The following HIPK2 variants were observed in gnomAD, a reference collection of about 807,000 sequenced individuals.
HIPK2 encodes the protein homeodomain-interacting protein kinase 2.
A neutral mutation model predicts 113.7 loss-of-function variants in HIPK2; 27 were observed. The observed-to-expected ratio is 0.24, with a 90% CI of 0.17 to 0.33. The LOEUF (loss-of-function observed/expected upper bound fraction) is 0.33. Among genes scored for constraint, HIPK2 ranks in the 10% least tolerant of loss-of-function variants. The pLI, the probability that HIPK2 is intolerant of heterozygous loss-of-function variation, is 1.00. For missense variants in HIPK2, 1,257 were observed against 1,588.0 expected (o/e 0.79, Z 3.54); for synonymous variants, 631 against 642.2 (o/e 0.98, Z 0.26).
rs1278706738 is a variant in HIPK2 at position 139,716,964 on chromosome 7, G to C, written c.71C>G (p.Ala24Gly). ...TTTCAGTTTCTTCACACTACAGAAG[G>C]CACTTGATTGAAGGGTGTGAGGGGA... ...VFSPHTLQSS[A>G]FCSVKKLKIE... The change falls in exon 2 of 15, where the codon GCC (alanine) becomes GGC (glycine). Residue 24 changes from alanine (A) to glycine (G), a missense_variant. By Grantham distance (60) the Ala-to-Gly change is moderately conservative. Coordinates refer to ENST00000406875, the MANE Select transcript of HIPK2 (RefSeq NM_022740.5). This position sits in a 1 kb window ranked among gnomAD's most constrained non-coding sequence, Gnocchi z 9.3. 6.2e-7 allele frequency: 1 copy of C among 1,613,900 alleles called. No individual in the cohort carries two copies. The highest frequency in any genetic ancestry group is 8.5e-7 in the Non-Finnish European group (1 of 1,179,826).
intron 2 of HIPK2, among the ~76,000 whole-genome samples, chr7:139,679,167 G>C (rs952815511): frequency 6.6e-6 from 1 of 152,056 alleles, no homozygotes; most frequent in African/African-American, 2.4e-5. Context: ...TTCTCTTGCC[G>C]GATTGCCCTG....
At chr7:139,721,283 C>A (rs922692153) in intron 1 of HIPK2, among the ~76,000 whole-genome samples, 1 of 152,196 alleles carries the variant, frequency 6.6e-6, no homozygotes, top group Non-Finnish European at 1.5e-5. Flanking sequence ...CCCTGAAATA[C>A]CTTCATAAGG....
At chr7:139,720,791 G>T (rs1164869358) in intron 1 of HIPK2, among the ~76,000 whole-genome samples, 3 of 152,168 alleles carry the variant, frequency 2.0e-5, no homozygotes, top group Non-Finnish European at 4.4e-5. Context: ...CCGGAAGGGG[G>T]CGGTCAGAGA....
intron 2 of HIPK2, among the ~76,000 whole-genome samples, chr7:139,677,249 A>G (rs1019152601): frequency 3.6e-5 from 3 of 83,750 alleles, no homozygotes; most frequent in Non-Finnish European, 7.0e-5. Context: ...TATATTATAT[A>G]TATATATGGA....
intron 2 of HIPK2, among the ~76,000 whole-genome samples, chr7:139,660,580 C>T (rs545982486): frequency 2.6e-5 from 4 of 152,276 alleles, no homozygotes; most frequent in South Asian, 2.1e-4. Flanking sequence ...ATATGGCCTG[C>T]GGGGCTTTGT....
At chr7:139,612,041 A>G (rs1057316627) in intron 9 of HIPK2, among the ~76,000 whole-genome samples, 6 of 152,124 alleles carry the variant, frequency 3.9e-5, no homozygotes, top group Non-Finnish European at 8.8e-5. Flanking sequence ...AGGGACAAGA[A>G]CAGACAAGGA....
intron 12 of HIPK2, 46 bp from the exon 13 acceptor site, chr7:139,584,110 G>T (rs1425797019): frequency 1.9e-6 from 3 of 1,546,728 alleles, no homozygotes; most frequent in East Asian, 4.5e-5. Flanking sequence ...AGGCCGTGAG[G>T]TGAGACACCC....
intron 1 of HIPK2, among the ~76,000 whole-genome samples, chr7:139,748,577 C>G (rs537441159): frequency 6.6e-6 from 1 of 151,986 alleles, no homozygotes; most frequent in Non-Finnish European, 1.5e-5. Flanking sequence ...TCTCTGCTTT[C>G]GTGCTCATGA....
chr7:139,666,986 T>C (rs914503220), intron 2 of HIPK2, among the ~76,000 whole-genome samples: 2 of 151,746 alleles, frequency 1.3e-5, no homozygotes, highest in African/African-American at 4.8e-5. Context: ...GCTTGAACCT[T>C]GTTGGGGGGC....
intron 1 of HIPK2, 40 bp from the exon 2 acceptor site, chr7:139,717,055 C>A (rs1270873595): frequency 1.3e-6 from 2 of 1,570,492 alleles, no homozygotes; most frequent in Non-Finnish European, 1.7e-6. Context: ...ATCGGAGTCA[C>A]CTTGGTACAA....
intron 2 of HIPK2, among the ~76,000 whole-genome samples, chr7:139,698,654 A>T (rs1185926424): frequency 1.3e-5 from 2 of 152,356 alleles, no homozygotes; most frequent in Middle Eastern, 6.8e-3. Flanking sequence ...TTTCATTAAC[A>T]CTGACCTTTG....
intron 2 of HIPK2, among the ~76,000 whole-genome samples, chr7:139,701,924 A>G (rs1794720441): frequency 6.6e-6 from 1 of 152,152 alleles, no homozygotes. Flanking sequence ...TGCAGAGGCC[A>G]CATCGGGAGA....
rs984120629 is a variant in HIPK2 at position 139,613,155 on chromosome 7, A to G, written c.2112+47T>C. On this transcript the variant is annotated intron_variant, in intron 9 of 14. Transcript: ENST00000406875. This position sits in a 1 kb window ranked among gnomAD's most constrained non-coding sequence, Gnocchi z 4.2. ...ATATATATCTTTTGTGAACAACATTAACACAGGTAATGGTAATACCAGTAA... is the reference window on the plus strand; with the variant it reads ...ATATATATCTTTTGTGAACAACATTGACACAGGTAATGGTAATACCAGTAA... 11 of 1,608,484 alleles carry G rather than the reference A, an allele frequency of 6.8e-6. No homozygotes were observed. The highest frequency in any genetic ancestry group is 8.5e-6 in the Non-Finnish European group (10 of 1,176,784).
chr7:139,612,580 T>C (rs1436216096), intron 9 of HIPK2, among the ~76,000 whole-genome samples: 1 of 152,256 alleles, frequency 6.6e-6, no homozygotes, highest in Non-Finnish European at 1.5e-5. Flanking sequence ...CCTGGTATAA[T>C]GATGATGTAT....
chr7:139,576,824 G>A (rs1226577528), intron 13 of HIPK2, among the ~76,000 whole-genome samples: 2 of 152,246 alleles, frequency 1.3e-5, no homozygotes. Context: ...GCAGGGGCAA[G>A]AGCCCCAGAG....
At chr7:139,605,341 C>A (rs866112231) in intron 9 of HIPK2, among the ~76,000 whole-genome samples, 5 of 151,850 alleles carry the variant, frequency 3.3e-5, no homozygotes, top group Middle Eastern at 3.4e-3. Context: ...AGACTGAATA[C>A]CACTGCCTAA....
At chr7:139,707,793 A>G (rs923371040) in intron 2 of HIPK2, among the ~76,000 whole-genome samples, 3 of 152,182 alleles carry the variant, frequency 2.0e-5, no homozygotes, top group Non-Finnish European at 4.4e-5. Context: ...CTACAGGGAG[A>G]GTTCAGCAGC....
chr7:139,670,933 G>C (rs1802265264), intron 2 of HIPK2, among the ~76,000 whole-genome samples: 4 of 151,542 alleles, frequency 2.6e-5, no homozygotes, highest in Admixed American at 2.6e-4. Context: ...GCTAATTTTT[G>C]TATTTTTGGT....
chr7:139,748,762 C>T (rs1796231470), intron 1 of HIPK2, among the ~76,000 whole-genome samples: 1 of 152,110 alleles, frequency 6.6e-6, no homozygotes, highest in East Asian at 1.9e-4. Flanking sequence ...GTTAGGACTT[C>T]AACATGTGAG....
Sources: allele counts gnomAD v4.1 joint callset (sites outside exome capture counted in the v4.1 genomes callset), GRCh38; gene constraint gnomAD v4.1.1; non-coding constraint Gnocchi (gnomAD v3.1); transcripts MANE v1.5; gene names NCBI Gene and HGNC (gene_info 2026-07-23, HGNC 2026-07-21).